Variants in GSG1L observed in about 807,000 individuals in gnomAD.
GSG1L encodes the protein GSG1 like, also known as germ cell-specific gene 1-like protein.
A neutral mutation model predicts 42.1 loss-of-function variants in GSG1L; 24 were observed. The observed-to-expected ratio is 0.57, with a 90% CI of 0.41 to 0.80. The LOEUF is 0.80. Ranked by LOEUF, GSG1L falls within the 30% of genes least tolerant of loss-of-function variation. The pLI is 0.00. For synonymous variants in GSG1L, 215 were observed against 203.5 expected (o/e 1.06, Z -0.48); for missense variants, 445 against 472.2 (o/e 0.94, Z 0.53).
intron 2 of GSG1L, among the ~76,000 whole-genome samples, chr16:27,922,169 C>A (rs191092434): frequency 6.6e-6 from 1 of 152,184 alleles, no homozygotes; most frequent in Non-Finnish European, 1.5e-5. Context: ...TGACTTATTT[C>A]TCTCTCCTCT....
rs2085523971 is a variant in GSG1L, at chr16:27,997,159, G to A, written c.350-33956C>T. ...CACATCCCCTAGAGGAGGCTCCAGG[G>A]AAGATATCATGTCCTTGCCTCTTCT... is the stretch of plus-strand genomic sequence containing the variant. On this transcript the variant is annotated intron_variant, in intron 1 of 6. Coordinates refer to ENST00000447459, the MANE Select transcript of GSG1L (RefSeq NM_001109763.2). Among the ~76,000 whole-genome samples, 3 of 152,172 alleles carry A rather than the reference G, an allele frequency of 2.0e-5. No individual in the cohort carries two copies. The South Asian group carries it at 6.2e-4, about 32-fold the overall frequency.
chr16:27,937,044 T>C (rs1207070639), intron 2 of GSG1L, among the ~76,000 whole-genome samples: 1 of 152,236 alleles, frequency 6.6e-6, no homozygotes, highest in Non-Finnish European at 1.5e-5. Context: ...AATAACCTGA[T>C]GACCTTCGCT....
chr16:28,033,125 G>A (rs188350975), intron 1 of GSG1L, among the ~76,000 whole-genome samples: 1 of 152,162 alleles, frequency 6.6e-6, no homozygotes, highest in African/African-American at 2.4e-5. Context: ...CAGCCTCCAT[G>A]GAGTACTTCA....
intron 1 of GSG1L, among the ~76,000 whole-genome samples, chr16:28,008,869 C>T (rs1303176697): frequency 1.3e-5 from 2 of 152,126 alleles, no homozygotes; most frequent in Admixed American, 6.5e-5. Flanking sequence ...AGTACAGTGG[C>T]GGGATTTCGG....
chr16:27,922,329 C>T (rs2084533980), intron 2 of GSG1L, among the ~76,000 whole-genome samples: 1 of 152,190 alleles, frequency 6.6e-6, no homozygotes, highest in African/African-American at 2.4e-5. Flanking sequence ...TTTCTCTCAA[C>T]AAAACATAAC....
intron 3 of GSG1L, among the ~76,000 whole-genome samples, chr16:27,868,914 A>T (rs2083766059): frequency 2.0e-5 from 3 of 152,154 alleles, no homozygotes; most frequent in Admixed American, 2.0e-4. Context: ...AGCCTCCGAG[A>T]AGGGCCTGAA....
intron 1 of GSG1L, among the ~76,000 whole-genome samples, chr16:28,015,586 T>C (rs2085771555): frequency 6.6e-6 from 1 of 152,186 alleles, no homozygotes; most frequent in South Asian, 2.1e-4. Flanking sequence ...GAAAGACTCT[T>C]AGAGGACACA....
intron 4 of GSG1L, among the ~76,000 whole-genome samples, chr16:27,829,964 T>C (rs370917106): frequency 1.3e-5 from 2 of 152,134 alleles, no homozygotes; most frequent in African/African-American, 2.4e-5. Context: ...CCTCCACAAC[T>C]TTCTGTACAG....
At chr16:27,821,675 C>T (rs1390899358) in intron 5 of GSG1L, among the ~76,000 whole-genome samples, 9 of 152,010 alleles carry the variant, frequency 5.9e-5, no homozygotes, top group Non-Finnish European at 1.2e-4. Context: ...CAGAGGAGGG[C>T]GGATCCCGAG....
chr16:27,802,162 G>A (rs705914), intron 6 of GSG1L, among the ~76,000 whole-genome samples: 19,856 of 152,018 alleles, frequency 0.13, 1,552 homozygotes, highest in African/African-American at 0.21. Flanking sequence ...CACAGTGCAC[G>A]AATGGCTTGG....
chr16:27,944,400 T>G (rs1413667549), intron 2 of GSG1L, among the ~76,000 whole-genome samples: 1 of 151,874 alleles, frequency 6.6e-6, no homozygotes, highest in Admixed American at 6.6e-5. Context: ...GGCGGGAAGA[T>G]CACCTGAGGT....
At chr16:27,852,159 C>T (rs1238481313) in intron 3 of GSG1L, among the ~76,000 whole-genome samples, 2 of 152,234 alleles carry the variant, frequency 1.3e-5, no homozygotes, top group South Asian at 2.1e-4. Context: ...AGTGAGCACT[C>T]ATGTTTAAAT....
intron 5 of GSG1L, among the ~76,000 whole-genome samples, chr16:27,812,271 C>T (rs898989723): frequency 1.3e-5 from 2 of 152,086 alleles, no homozygotes; most frequent in African/African-American, 4.8e-5. Context: ...TTGGTTTTAC[C>T]CATACACAAA....
At chr16:27,859,841 A>ATT (rs576791634) in intron 3 of GSG1L, among the ~76,000 whole-genome samples, 44 of 141,840 alleles carry the variant, frequency 3.1e-4, no homozygotes, top group African/African-American at 9.8e-4. Flanking sequence ...ATGCCCAGCT[A>ATT]TTTTTTTTTT....
At chr16:27,903,727 G>C (rs1664826088) in intron 2 of GSG1L, among the ~76,000 whole-genome samples, 1 of 152,132 alleles carries the variant, frequency 6.6e-6, no homozygotes, top group Admixed American at 6.5e-5. Context: ...GAAGTCAGGG[G>C]CTTGGCGGAC....
chr16:28,046,775 T>C (rs1286803760), intron 1 of GSG1L, among the ~76,000 whole-genome samples: 1 of 152,150 alleles, frequency 6.6e-6, no homozygotes, highest in Non-Finnish European at 1.5e-5. Context: ...CCCTGCTCTA[T>C]CCCTGCACAA....
intron 2 of GSG1L, among the ~76,000 whole-genome samples, chr16:27,957,330 G>A (rs1281137278): frequency 6.6e-6 from 1 of 152,206 alleles, no homozygotes; most frequent in Admixed American, 6.5e-5. Context: ...CTGGGTGACA[G>A]AGCAAGACTC....
chr16:28,063,061 C>G lies in GSG1L; in HGVS notation c.349+15G>C. On this transcript the variant is annotated intron_variant, in intron 1 of 6. Transcript: ENST00000447459. This position sits in a 1 kb window ranked among gnomAD's most constrained non-coding sequence, Gnocchi z 5.8. ...GGAGCCGGAGCCGAGCTGGCCGCCG[C>G]CCGCGCGCACTCACCAAGCCCGCTG... 1 of 1,399,602 alleles carries G rather than the reference C, an allele frequency of 7.1e-7. No individual in the cohort carries two copies. The highest frequency in any genetic ancestry group is 3.3e-5 in the East Asian group (1 of 29,902). The allele number at this position is 1,399,602 out of a possible 1,614,324, so 86.7% of individuals were successfully genotyped here.
chr16:28,000,675 C>T (rs2141143644), intron 1 of GSG1L, among the ~76,000 whole-genome samples: 1 of 152,234 alleles, frequency 6.6e-6, no homozygotes, highest in South Asian at 2.1e-4. Context: ...AAGCAGCTCT[C>T]TAAGCTTCCC....
Sources: gnomAD v4.1 joint callset for allele counts (sites outside exome capture counted in the v4.1 genomes callset) on GRCh38, gnomAD v4.1.1 for gene constraint, Gnocchi (gnomAD v3.1) non-coding constraint, MANE v1.5 for transcripts, NCBI Gene and HGNC (gene_info 2026-07-23, HGNC 2026-07-21) for gene names.